The following SIGLEC11 variants were observed in gnomAD, a reference collection of about 807,000 sequenced individuals.
SIGLEC11 encodes sialic acid binding Ig like lectin 11, also known as sialic acid-binding Ig-like lectin 11.
Under a neutral mutation model 61.2 loss-of-function variants are expected in SIGLEC11, and 47 were observed. The ratio of observed to expected loss-of-function variants is 0.77; its 90% CI spans 0.61 to 0.98. The LOEUF (loss-of-function observed/expected upper bound fraction) is 0.98. Ranked by LOEUF, SIGLEC11 falls within the 50% of genes least tolerant of loss-of-function variation. SIGLEC11 has a pLI of 0.00. For synonymous variants in SIGLEC11, 278 were observed against 373.1 expected, an observed-to-expected ratio of 0.75 and a Z score of 2.94; for missense variants, 610 against 870.3, an observed-to-expected ratio of 0.70 and a Z score of 3.76.
In SIGLEC11 at chr19:49,951,661, A is replaced by G. The variant is rs1005075756; in HGVS notation, c.1830+230T>C. Among the ~76,000 whole-genome samples, 21 of 152,162 alleles carry G rather than the reference A, an allele frequency of 1.4e-4. No individual in the cohort carries two copies. Among genetic ancestry groups the G allele is most frequent in the African/African-American group, 5.1e-4 (21 of 41,440 alleles). On this transcript the variant is annotated intron_variant, in intron 10 of 10. Transcript: ENST00000447370. The surrounding 1 kb of genome is among the most constrained non-coding windows in gnomAD (Gnocchi z 4.6). ...GGTGGAGGGTCCACTGGATCTGAGC[A>G]CAGGCAGAGTATGGACAGGCCTGGG... is the stretch of plus-strand genomic sequence containing the variant.
rs1388267793 is a variant in SIGLEC11, at chr19:49,958,573, G to A, written c.1364-3C>T. The A allele has an allele frequency of 1.9e-6, 3 of 1,569,746 alleles. No individual in the cohort carries two copies. In the African/African-American group the frequency reaches 4.1e-5, roughly 21 times the overall value. Reference sequence around the variant, plus strand: ...GGGGCCCAGCAGCTGTGGAGGGTCTGTGGGGAGGGAGGACAGGACTCAGCA... The same window carrying A: ...GGGGCCCAGCAGCTGTGGAGGGTCTATGGGGAGGGAGGACAGGACTCAGCA... On this transcript the variant is annotated splice_polypyrimidine_tract_variant and splice_region_variant and intron_variant, in intron 7 of 10. Coordinates refer to ENST00000447370, the MANE Select transcript of SIGLEC11 (RefSeq NM_052884.3).
rs762383298 is a variant in SIGLEC11 at position 49,958,488 on chromosome 19, G to A, written c.1446C>T (p.Ala482=). 4 of 1,610,914 alleles carry A rather than the reference G, an allele frequency of 2.5e-6. No individual in the cohort carries two copies. Among genetic ancestry groups the A allele is most frequent in the Non-Finnish European group, 3.4e-6 (4 of 1,179,016 alleles). Residue 482 remains alanine (A), a synonymous_variant, in exon 8 of 11, where the codon GCC becomes GCT. Coordinates refer to ENST00000447370, the MANE Select transcript of SIGLEC11 (RefSeq NM_052884.3). ...CCCCAAGCCACCAGCGCAGAGAGGG[G>A]GCCGGGCTGGCCTGGGAGGAGCAGC... is the stretch of plus-strand genomic sequence containing the variant. ...HCSCSSQASP[A]PSLRWWLGEE... is the part of the protein sequence containing the mutation.
At chr19:49,957,397 C>CA (rs56847057) in intron 8 of SIGLEC11, among the ~76,000 whole-genome samples, 136 of 149,200 alleles carry the variant, frequency 9.1e-4, no homozygotes, top group Middle Eastern at 3.5e-3. Context: ...AAAAAAAAAA[C>CA]AAAAAAAACC....
intron 10 of SIGLEC11, among the ~76,000 whole-genome samples, chr19:49,950,605 C>T (rs1036029929): frequency 4.6e-5 from 7 of 152,160 alleles, no homozygotes; most frequent in East Asian, 1.9e-4. Flanking sequence ...CCAGGATTCA[C>T]GTCCAGGTTT....
intron 4 of SIGLEC11, 51 bp from the exon 5 acceptor site, chr19:49,959,674 GA>G (rs1387528575): frequency 5.8e-3 from 2,154 of 368,306 alleles, no homozygotes; most frequent in African/African-American, 0.02. Context: ...GAATGGGTGG[GA>G]GGGGGGGCTG....
At position 49,958,320 on chromosome 19, in the gene SIGLEC11, G is replaced by C; in HGVS notation, c.1614C>G (p.His538Gln). 6.2e-7 allele frequency: 1 copy of C among 1,614,164 alleles called. No homozygotes were observed. Among genetic ancestry groups the C allele is most frequent in the African/African-American group, 1.3e-5 (1 of 75,052 alleles). ...GGAAGACAGAGCCACTCTGGGCCCC[G>C]TGGACGTTCCAGGCCTTACAGCGGA... ...LRLRCKAWNV[H>Q]GAQSGSVFQL... Residue 538 changes from histidine to glutamine, a missense_variant, in exon 8 of 11, where the codon CAC becomes CAG. Transcript: ENST00000447370.
rs768874493 is a variant in SIGLEC11, at chr19:49,950,159, C to T, written c.1908G>A (p.Lys636=). Residue 636 remains lysine, a synonymous_variant, in exon 11 of 11, where the codon AAG becomes AAA. Transcript: ENST00000447370. ...CATAGTGGAGCTCCTGCTCTTCCCC[C>T]TTCCCCGGGGTGTAGGTGGCTGCAC... ...PPGAATYTPG[K]GEEQELHYAS... is the part of the protein sequence containing the mutation. 3 of 1,611,322 alleles carry T rather than the reference C, an allele frequency of 1.9e-6. No homozygotes were observed. The highest frequency in any genetic ancestry group is 3.3e-5 in the Admixed American group (2 of 59,926).
chr19:49,958,418 T>A lies in SIGLEC11; in HGVS notation c.1516A>T (p.Thr506Ser), dbSNP rs749874555. ...GNSSQGSFEV[T>S]PSSAGPWANS... Reference sequence around the variant, plus strand: ...GCCCAGGGCCCGGCTGAGCTGGGGGTGACCTCGAAGGAGCCCTGACTGCTG... The same window carrying A: ...GCCCAGGGCCCGGCTGAGCTGGGGGAGACCTCGAAGGAGCCCTGACTGCTG... Residue 506 changes from threonine to serine, a missense_variant, in exon 8 of 11, where the codon ACC (threonine) becomes TCC (serine). Transcript: ENST00000447370. 13 of 1,613,688 alleles carry A rather than the reference T, an allele frequency of 8.1e-6. No homozygotes were observed. Among genetic ancestry groups the A allele is most frequent in the Non-Finnish European group, 9.3e-6 (11 of 1,179,908 alleles).
chr19:49,953,042 G>C (rs77312057), intron 8 of SIGLEC11, among the ~76,000 whole-genome samples: 1 of 152,068 alleles, frequency 6.6e-6, no homozygotes. Flanking sequence ...TCAGTTTCCC[G>C]CAGCATTTTT....
intron 3 of SIGLEC11, 108 bp downstream of exon 3, chr19:49,960,029 C>G: frequency 7.3e-7 from 1 of 1,373,348 alleles, no homozygotes; most frequent in Non-Finnish European, 1.0e-6. Flanking sequence ...ACAGCTTCCT[C>G]TCCCTGGATG....
rs1477967173 is a variant in SIGLEC11 at position 49,949,657 on chromosome 19, C to T, written c.*313G>A. ...AGGAGTCTGAGACCAGCCAGGGAAA[C>T]ATGGCAAAACCCTGTCTCTACTAAA... On this transcript the variant is annotated 3_prime_UTR_variant, in exon 11 of 11. Coordinates refer to ENST00000447370, the MANE Select transcript of SIGLEC11 (RefSeq NM_052884.3). 2 of 183,390 alleles carry T rather than the reference C, an allele frequency of 1.1e-5. No homozygotes were observed. Among genetic ancestry groups the T allele is most frequent in the African/African-American group, 4.7e-5 (2 of 42,716 alleles). The allele number at this position is 183,390 out of a possible 1,614,324, so 11.4% of individuals were successfully genotyped here.
Position 49,960,427 on chromosome 19 carries a change from A to G in SIGLEC11, c.461-6T>C, listed in dbSNP as rs189506272. On this transcript the variant is annotated splice_polypyrimidine_tract_variant and splice_region_variant and intron_variant, in intron 2 of 10. Transcript: ENST00000447370. ...ATCAGGCTTCTTAGTCAGGGCTGGG[A>G]CAGAGACCGGGTGGGAGATTCTTGT... 118 of 1,585,952 alleles carry G rather than the reference A, an allele frequency of 7.4e-5. 6 individuals carry two copies. In the African/African-American group the frequency reaches 8.6e-4, roughly 11 times the overall value.
chr19:49,960,433 A>T lies in SIGLEC11; in HGVS notation c.461-12T>A, dbSNP rs1195556126. 1.3e-6 allele frequency: 2 copies of T among 1,585,520 alleles called. No individual in the cohort carries two copies. The highest frequency in any genetic ancestry group is 1.7e-5 in the Admixed American group (1 of 58,006). ...CTTCTTAGTCAGGGCTGGGACAGAGACCGGGTGGGAGATTCTTGTGCTGCA... is the reference window on the plus strand; with the variant it reads ...CTTCTTAGTCAGGGCTGGGACAGAGTCCGGGTGGGAGATTCTTGTGCTGCA... On this transcript the variant is annotated splice_polypyrimidine_tract_variant and intron_variant, in intron 2 of 10. Coordinates refer to ENST00000447370, the MANE Select transcript of SIGLEC11 (RefSeq NM_052884.3).
At position 49,950,297 on chromosome 19, in the gene SIGLEC11, G is replaced by A; in HGVS notation, c.1831-61C>T. ...CATGGGGGCTAAGCGAGAGCAAGGA[G>A]GATGCACAAGAGGATCTGGAAATTG... is the stretch of plus-strand genomic sequence containing the variant. On this transcript the variant is annotated intron_variant, in intron 10 of 10. Transcript: ENST00000447370. 2.1e-6 allele frequency: 3 copies of A among 1,396,802 alleles called. No homozygotes were observed. In the East Asian group the frequency reaches 7.6e-5, roughly 35 times the overall value. 86.5% of individuals were successfully genotyped at this position (1,396,802 alleles called of 1,614,324 possible).
Position 49,949,735 on chromosome 19 carries a change from G to T in SIGLEC11, c.*235C>A. On this transcript the variant is annotated 3_prime_UTR_variant, in exon 11 of 11. Coordinates refer to ENST00000447370, the MANE Select transcript of SIGLEC11 (RefSeq NM_052884.3). Reference sequence around the variant, plus strand: ...CTCACAATTGTAGTCCCAGCTACTTGGGAGGCTGAAATGGGAGGCTCACTT... The same window carrying T: ...CTCACAATTGTAGTCCCAGCTACTTTGGAGGCTGAAATGGGAGGCTCACTT... The T allele has an allele frequency of 2.9e-6, 1 of 342,710 alleles. No homozygotes were observed. Among genetic ancestry groups the T allele is most frequent in the Non-Finnish European group, 5.2e-6 (1 of 191,962 alleles). 21.2% of individuals were successfully genotyped at this position (342,710 alleles called of 1,614,324 possible).
intron 8 of SIGLEC11, among the ~76,000 whole-genome samples, chr19:49,957,831 A>G (rs2076208647): frequency 6.6e-6 from 1 of 152,194 alleles, no homozygotes; most frequent in Non-Finnish European, 1.5e-5. Flanking sequence ...GAAACTAAAA[A>G]TACAAAAAAA....
intron 8 of SIGLEC11, among the ~76,000 whole-genome samples, chr19:49,957,916 G>A (rs1186794618): frequency 6.6e-6 from 1 of 152,066 alleles, no homozygotes; most frequent in African/African-American, 2.4e-5. Flanking sequence ...GCTTGAATCC[G>A]GGAGGCAGAG....
At chr19:49,956,354 G>A (rs1308123050) in intron 8 of SIGLEC11, among the ~76,000 whole-genome samples, 2 of 152,126 alleles carry the variant, frequency 1.3e-5, no homozygotes, top group African/African-American at 4.8e-5. Flanking sequence ...GAATGCAAAT[G>A]ACCTCATCCA....
At chr19:49,959,113 C>A (rs369689146) in intron 5 of SIGLEC11, 36 bp from the exon 6 acceptor site, 6 of 1,612,808 alleles carry the variant, frequency 3.7e-6, no homozygotes, top group Non-Finnish European at 5.1e-6. Context: ...CTAGACAGAC[C>A]AGGGGCTTCC....
Sources: gnomAD v4.1 joint callset for allele counts (sites outside exome capture counted in the v4.1 genomes callset) on GRCh38, gnomAD v4.1.1 for gene constraint, Gnocchi (gnomAD v3.1) non-coding constraint, MANE v1.5 for transcripts, NCBI Gene and HGNC (gene_info 2026-07-23, HGNC 2026-07-21) for gene names.